C16orf96: variants seen among roughly 807,000 people sequenced by gnomAD.
C16orf96 encodes the protein chromosome 16 open reading frame 96, also known as uncharacterized protein C16orf96.
In C16orf96, 108 loss-of-function variants were observed where a neutral mutation model predicts 103.6. The ratio of observed to expected loss-of-function variants is 1.04; its 90% CI spans 0.89 to 1.22. The LOEUF (loss-of-function observed/expected upper bound fraction) is 1.22, where lower values mean the gene tolerates loss of function less well. C16orf96 is among the 50% of genes most tolerant of loss of function. C16orf96 has a pLI of 0.00. For synonymous variants in C16orf96, 566 were observed against 593.5 expected, an observed-to-expected ratio of 0.95 and a Z score of 0.67; for missense variants, 1,586 against 1,464.2, an observed-to-expected ratio of 1.08 and a Z score of -1.36.
intron 1 of C16orf96, among the ~76,000 whole-genome samples, chr16:4,568,370 A>C (rs2059403121): frequency 6.6e-6 from 1 of 152,086 alleles, no homozygotes; most frequent in African/African-American, 2.4e-5. Flanking sequence ...ACCATTGTTG[A>C]GTGGGGTATT....
the C16orf96 span, among the ~76,000 whole-genome samples, chr16:4,544,984 C>A: frequency 6.6e-6 from 1 of 152,188 alleles, no homozygotes. Flanking sequence ...AAACACACAG[C>A]CGCATAAAAA....
At chr16:4,597,349 T>G (rs1897194594) in intron 14 of C16orf96, among the ~76,000 whole-genome samples, 1 of 152,162 alleles carries the variant, frequency 6.6e-6, no homozygotes, top group Admixed American at 6.6e-5. Context: ...GCCAAGGAGT[T>G]TCACAAATGA....
At chr16:4,571,696 G>A in intron 2 of C16orf96, 31 bp downstream of exon 2, 1 of 1,522,244 alleles carries the variant, frequency 6.6e-7, no homozygotes, top group Non-Finnish European at 8.9e-7. Context: ...CTCCATGCCA[G>A]CTGCGTTGCT....
At chr16:4,588,459 G>C (rs1896980608) in intron 9 of C16orf96, 128 bp downstream of exon 9, 2 of 1,041,288 alleles carry the variant, frequency 1.9e-6, no homozygotes, top group South Asian at 1.7e-5. Context: ...AACTTAGCTG[G>C]GTGGCTCAGG....
the C16orf96 span, among the ~76,000 whole-genome samples, chr16:4,541,868 T>C: frequency 6.6e-6 from 1 of 152,190 alleles, no homozygotes; most frequent in Admixed American, 6.5e-5. Context: ...ACAAGGTTAT[T>C]GATTGGTTGA....
At position 4,591,880 on chromosome 16, in the gene C16orf96, T is replaced by C; in HGVS notation, c.2711+96T>C. On this transcript the variant is annotated intron_variant, in intron 10 of 15. Transcript: ENST00000444310. ...CTCTGGGAGGAAAGATTCCAGACCT[T>C]TGGATGAGGGGATGGGGGCTTGGCT... 7 of 979,086 alleles carry C rather than the reference T, an allele frequency of 7.1e-6. No homozygotes were observed. The South Asian group carries it at 8.4e-5, about 12-fold the overall frequency. The allele number at this position is 979,086 out of a possible 1,614,324, so 60.6% of individuals were successfully genotyped here.
Position 4,562,715 on chromosome 16 carries a change from T to C in C16orf96, c.420+5806T>C, listed in dbSNP as rs1054952039. 1.7e-5 allele frequency: 9 copies of C among 530,104 alleles called. No homozygotes were observed. The East Asian group carries it at 2.9e-4, about 17-fold the overall frequency. The allele number at this position is 530,104 out of a possible 1,614,324, so 32.8% of individuals were successfully genotyped here. On this transcript the variant is annotated intron_variant, in intron 1 of 15. Coordinates refer to ENST00000444310, the MANE Select transcript of C16orf96 (RefSeq NM_001145011.2). Reference sequence around the variant, plus strand: ...CAAATTCTTCTGCAATCCAAACATATAATAGCTTGGAGAACATTTAGAAAA... The same window carrying C: ...CAAATTCTTCTGCAATCCAAACATACAATAGCTTGGAGAACATTTAGAAAA...
intron 7 of C16orf96, among the ~76,000 whole-genome samples, chr16:4,586,823 G>C (rs1193841905): frequency 6.6e-6 from 1 of 152,128 alleles, no homozygotes; most frequent in Non-Finnish European, 1.5e-5. Context: ...TACCATCTCT[G>C]AGGGGACAGC....
chr16:4,551,671 C>G (rs2141681327), upstream of C16orf96, among the ~76,000 whole-genome samples: 1 of 149,220 alleles, frequency 6.7e-6, no homozygotes, highest in East Asian at 2.0e-4. Context: ...GCCAGGATGT[C>G]TCCATCTCCT....
At chr16:4,588,647 G>C (rs2141751925) in intron 9 of C16orf96, among the ~76,000 whole-genome samples, 1 of 150,446 alleles carries the variant, frequency 6.6e-6, no homozygotes, top group East Asian at 2.0e-4. Flanking sequence ...TGACATTGCA[G>C]CTGACATCTC....
At chr16:4,581,861 T>A (rs894713651) in intron 7 of C16orf96, among the ~76,000 whole-genome samples, 1 of 149,834 alleles carries the variant, frequency 6.7e-6, no homozygotes, top group Non-Finnish European at 1.5e-5. Context: ...GAGGCTGAGG[T>A]GGGAGGATTG....
At chr16:4,585,659 C>A (rs188025916) in intron 7 of C16orf96, among the ~76,000 whole-genome samples, 4 of 152,204 alleles carry the variant, frequency 2.6e-5, no homozygotes, top group Admixed American at 2.0e-4. Flanking sequence ...GTTGCTGCGG[C>A]AAATCACTCT....
At chr16:4,579,049 T>C (rs2059549486) in intron 6 of C16orf96, 24 bp downstream of exon 6, 8 of 1,546,384 alleles carry the variant, frequency 5.2e-6, no homozygotes, top group Non-Finnish European at 7.0e-6. Flanking sequence ...GCGAAGGGCT[T>C]TTGAGGCAGT....
chr16:4,596,060 G>C (rs146397493), intron 14 of C16orf96, among the ~76,000 whole-genome samples: 11 of 152,170 alleles, frequency 7.2e-5, no homozygotes, highest in Non-Finnish European at 1.2e-4. Flanking sequence ...GAAGGGAAGG[G>C]GGACTGTTTC....
chr16:4,546,678 C>T, the C16orf96 span, among the ~76,000 whole-genome samples: 1 of 152,058 alleles, frequency 6.6e-6, no homozygotes, highest in African/African-American at 2.4e-5. Context: ...GTTGCCCAGG[C>T]TGGCCTCAAA....
At chr16:4,545,198 G>C in the C16orf96 span, among the ~76,000 whole-genome samples, 1 of 152,104 alleles carries the variant, frequency 6.6e-6, no homozygotes, top group East Asian at 1.9e-4. Flanking sequence ...TTCTGTATCT[G>C]TCTTTGCGTC....
Position 4,575,600 on chromosome 16 carries a change from C to T in C16orf96, c.1120C>T (p.Pro374Ser). The T allele has an allele frequency of 6.6e-7, 1 of 1,513,044 alleles. No homozygotes were observed. Among genetic ancestry groups the T allele is most frequent in the Non-Finnish European group, 8.8e-7 (1 of 1,130,550 alleles). 93.7% of individuals were successfully genotyped at this position (1,513,044 alleles called of 1,614,324 possible). The change falls in exon 5 of 16, where the codon CCT (proline) becomes TCT (serine). Residue 374 changes from proline to serine, a missense_variant. By Grantham distance (74) the Pro-to-Ser change is moderately conservative. Coordinates refer to ENST00000444310, the MANE Select transcript of C16orf96 (RefSeq NM_001145011.2). Reference protein sequence around the residue: ...PAPWPVLGPVPAPGAQPPPLG... With the variant: ...PAPWPVLGPVSAPGAQPPPLG... ...ACCTTGGCCTGTGCTTGGACCTGTG[C>T]CTGCCCCAGGTGCCCAGCCTCCACC...
At chr16:4,587,851 C>T (rs541991797) in intron 8 of C16orf96, among the ~76,000 whole-genome samples, 2 of 151,792 alleles carry the variant, frequency 1.3e-5, no homozygotes, top group African/African-American at 4.8e-5. Flanking sequence ...TGGAAGGATC[C>T]CTTGAGCCCA....
chr16:4,575,016 C>T lies in C16orf96; in HGVS notation c.651C>T (p.Asp217=), dbSNP rs112229339. The T allele has an allele frequency of 4.9e-5, 76 of 1,551,538 alleles. No homozygotes were observed. In the African/African-American group the frequency reaches 6.7e-4, roughly 14 times the overall value. ...TTAAAACCATCCCCAAAACCGAGGA[C>T]ATGGTGCTCTGGAGTGGCCTTCATG... is the stretch of plus-strand genomic sequence containing the variant. ...NKFKTIPKTE[D]MVLWSGLHDA... Residue 217 remains aspartate, a synonymous_variant, in exon 4 of 16, where the codon GAC becomes GAT. Coordinates refer to ENST00000444310, the MANE Select transcript of C16orf96 (RefSeq NM_001145011.2).
Sources: gnomAD v4.1 joint callset for allele counts (sites outside exome capture counted in the v4.1 genomes callset) on GRCh38, gnomAD v4.1.1 for gene constraint, MANE v1.5 for transcripts, NCBI Gene and HGNC (gene_info 2026-07-23, HGNC 2026-07-21) for gene names.